GAB2: variants seen among roughly 807,000 people sequenced by gnomAD.
The protein encoded by GAB2 is GRB2-associated-binding protein 2.
A neutral mutation model predicts 65.5 loss-of-function variants in GAB2; 26 were observed. That is an observed-to-expected ratio of 0.40 (90% CI 0.29 to 0.55). GAB2 has a LOEUF of 0.55. Ranked by LOEUF, GAB2 falls within the 20% of genes least tolerant of loss-of-function variation. GAB2 has a pLI of 0.53. For synonymous variants in GAB2, 321 were observed against 329.6 expected, an observed-to-expected ratio of 0.97 and a Z score of 0.28; for missense variants, 884 against 875.8, an observed-to-expected ratio of 1.01 and a Z score of -0.12.
chr11:78,403,966 G>C (rs58725056), intron 1 of GAB2, among the ~76,000 whole-genome samples: 9,615 of 152,208 alleles, frequency 0.063, 990 homozygotes, highest in African/African-American at 0.22. Flanking sequence ...CAGACGCTGG[G>C]AAGGATGTGG....
intron 3 of GAB2, among the ~76,000 whole-genome samples, chr11:78,242,056 TA>T (rs1162810638): frequency 1.3e-5 from 2 of 152,248 alleles, no homozygotes; most frequent in African/African-American, 4.8e-5. Flanking sequence ...CAAGAGATTT[TA>T]AAAGAATTGA....
intron 1 of GAB2, among the ~76,000 whole-genome samples, chr11:78,327,807 T>G (rs2134672546): frequency 6.6e-6 from 1 of 152,340 alleles, no homozygotes; most frequent in South Asian, 2.1e-4. Flanking sequence ...CAGTGTCACT[T>G]TGGATAAATC....
At chr11:78,344,585 T>C (rs2134695536) in intron 1 of GAB2, among the ~76,000 whole-genome samples, 1 of 152,346 alleles carries the variant, frequency 6.6e-6, no homozygotes, top group East Asian at 1.9e-4. Context: ...AATATTTACA[T>C]GACTATAGTG....
intron 1 of GAB2, among the ~76,000 whole-genome samples, chr11:78,302,068 A>G (rs1001995275): frequency 5.3e-5 from 8 of 152,166 alleles, no homozygotes; most frequent in African/African-American, 1.9e-4. Flanking sequence ...TAAATCTAAG[A>G]CCTGAAACTA....
At chr11:78,367,759 G>A (rs1275276373) in intron 1 of GAB2, among the ~76,000 whole-genome samples, 1 of 151,802 alleles carries the variant, frequency 6.6e-6, no homozygotes, top group Non-Finnish European at 1.5e-5. Context: ...GGAGGTGAGA[G>A]CATTTAGCCT....
chr11:78,357,444 C>G (rs913279836), intron 1 of GAB2, among the ~76,000 whole-genome samples: 2 of 152,150 alleles, frequency 1.3e-5, no homozygotes, highest in African/African-American at 4.8e-5. Context: ...AGCTTCTGTA[C>G]AGCAAAAGAC....
chr11:78,368,373 C>T (rs1472876141), intron 1 of GAB2, among the ~76,000 whole-genome samples: 2 of 152,188 alleles, frequency 1.3e-5, no homozygotes, highest in Non-Finnish European at 2.9e-5. Flanking sequence ...TAGTAAACTT[C>T]TGTCACCTGA....
At chr11:78,326,068 G>A (rs1311319578) in intron 1 of GAB2, among the ~76,000 whole-genome samples, 1 of 152,176 alleles carries the variant, frequency 6.6e-6, no homozygotes, top group Non-Finnish European at 1.5e-5. Flanking sequence ...TTATGGATAT[G>A]AGAGTGAATA....
chr11:78,372,771 A>C (rs1856588153), intron 1 of GAB2, among the ~76,000 whole-genome samples: 1 of 152,130 alleles, frequency 6.6e-6, no homozygotes, highest in African/African-American at 2.4e-5. Flanking sequence ...CTCTTAATCA[A>C]TTCTCTCATA....
chr11:78,395,726 A>G (rs928276735), intron 1 of GAB2, among the ~76,000 whole-genome samples: 4 of 152,214 alleles, frequency 2.6e-5, no homozygotes, highest in Non-Finnish European at 5.9e-5. Context: ...AGCGAAAACT[A>G]TTCAATTAAC....
At chr11:78,229,641 C>A (rs905143341) in intron 3 of GAB2, among the ~76,000 whole-genome samples, 1 of 152,164 alleles carries the variant, frequency 6.6e-6, no homozygotes, top group Non-Finnish European at 1.5e-5. Context: ...TCCTAACTTC[C>A]CAGTGTAAAC....
At chr11:78,362,827 A>G (rs1019031720) in intron 1 of GAB2, among the ~76,000 whole-genome samples, 1 of 152,200 alleles carries the variant, frequency 6.6e-6, no homozygotes, top group African/African-American at 2.4e-5. Flanking sequence ...CTGCAGGTAT[A>G]TGACTACCAA....
intron 2 of GAB2, among the ~76,000 whole-genome samples, chr11:78,263,636 GA>G (rs61518720): frequency 0.047 from 6,130 of 129,106 alleles, 111 homozygotes; most frequent in African/African-American, 0.061. Context: ...CTGTCTGGGG[GA>G]AAAAAAAAAA....
chr11:78,353,926 G>A (rs1045953481), intron 1 of GAB2, among the ~76,000 whole-genome samples: 4 of 152,334 alleles, frequency 2.6e-5, no homozygotes, highest in South Asian at 2.1e-4. Context: ...CAGAATCACC[G>A]GAAAGCTTGG....
chr11:78,336,326 CAAAAAAAAAAAA>C (rs71046966), intron 1 of GAB2, among the ~76,000 whole-genome samples: 7 of 19,258 alleles, frequency 3.6e-4, no homozygotes, highest in Admixed American at 2.2e-3. Context: ...GACTGTCTCT[CAAAAAAAAAAAA>C]AAAAAAAAAA....
intron 1 of GAB2, among the ~76,000 whole-genome samples, chr11:78,281,453 C>T (rs1037300573): frequency 1.2e-4 from 19 of 152,146 alleles, no homozygotes; most frequent in Admixed American, 1.2e-3. Context: ...CCACATTGGT[C>T]AGGCGGGTCT....
At chr11:78,359,186 G>A (rs932821884) in intron 1 of GAB2, among the ~76,000 whole-genome samples, 3 of 152,180 alleles carry the variant, frequency 2.0e-5, no homozygotes, top group African/African-American at 7.2e-5. Flanking sequence ...ATTATTCTAT[G>A]CCTGCCTTTG....
At chr11:78,363,051 A>T (rs1270700161) in intron 1 of GAB2, among the ~76,000 whole-genome samples, 2 of 152,232 alleles carry the variant, frequency 1.3e-5, no homozygotes, top group Non-Finnish European at 2.9e-5. Flanking sequence ...CCAGTAACTA[A>T]TATAAAAAAG....
chr11:78,257,613 T>TA (rs1405033141), intron 2 of GAB2, among the ~76,000 whole-genome samples: 1 of 152,174 alleles, frequency 6.6e-6, no homozygotes, highest in Non-Finnish European at 1.5e-5. Context: ...GCCAAAGAGG[T>TA]ACGAGCTGCT....
Sources: gnomAD v4.1 joint callset for allele counts (sites outside exome capture counted in the v4.1 genomes callset) on GRCh38, gnomAD v4.1.1 for gene constraint, MANE v1.5 for transcripts, NCBI Gene and HGNC (gene_info 2026-07-23, HGNC 2026-07-21) for gene names.